GPC6: variants seen among roughly 807,000 people sequenced by gnomAD.
GPC6 encodes the protein glypican 6, also known as glypican-6.
A neutral mutation model predicts 55.2 loss-of-function variants in GPC6; 14 were observed. That is an observed-to-expected ratio of 0.25 (90% confidence interval 0.17 to 0.40). The LOEUF is 0.40. GPC6 is among the 10% of genes least tolerant of loss of function. GPC6 has a pLI of 1.00. For synonymous variants in GPC6, 278 were observed against 259.6 expected (o/e 1.07, Z -0.68); for missense variants, 641 against 708.5 (o/e 0.90, Z 1.08).
At chr13:94,139,979 G>A (rs753405702) in intron 4 of GPC6, among the ~76,000 whole-genome samples, 2 of 151,624 alleles carry the variant, frequency 1.3e-5, no homozygotes, top group Non-Finnish European at 2.9e-5. Context: ...TCAGGAGAAT[G>A]TAAAAGAGAA....
chr13:93,227,384 C>T lies in GPC6; in HGVS notation c.-73C>T. The T allele has an allele frequency of 6.6e-7, 1 of 1,512,374 alleles. No individual in the cohort carries two copies. 93.7% of individuals were successfully genotyped at this position (1,512,374 alleles called of 1,614,324 possible). On this transcript the variant is annotated 5_prime_UTR_variant, in exon 1 of 9. Coordinates refer to ENST00000377047, the MANE Select transcript of GPC6 (RefSeq NM_005708.5). The surrounding 1 kb of genome is among the most constrained non-coding windows in gnomAD (Gnocchi z 4.3). ...GGAGCGCGCCGCTGCCTCTGGCGGG[C>T]TTTCGGCTTGAGGGGCAAGGTGAAG...
intron 6 of GPC6, among the ~76,000 whole-genome samples, chr13:94,345,180 G>T: frequency 6.6e-6 from 1 of 152,136 alleles, no homozygotes; most frequent in East Asian, 1.9e-4. Context: ...GCACTTAGTC[G>T]AATTATTTCA....
rs1306614320 is a variant in GPC6 at position 94,207,286 on chromosome 13, A to C, written c.878-79063A>C. ...ATGCATTACTATACCGCACTAAGAC[A>C]AATCCTGGGTACATTTAAAAACAAT... On this transcript the variant is annotated intron_variant, in intron 4 of 8. Coordinates refer to ENST00000377047, the MANE Select transcript of GPC6 (RefSeq NM_005708.5). 2.6e-5 allele frequency among the ~76,000 whole-genome samples: 4 copies of C among 152,360 alleles called. No individual in the cohort carries two copies. The East Asian group carries it at 7.7e-4, about 29-fold the overall frequency.
At chr13:94,246,152 TA>T (rs923532746) in intron 4 of GPC6, among the ~76,000 whole-genome samples, 1 of 152,146 alleles carries the variant, frequency 6.6e-6, no homozygotes, top group African/African-American at 2.4e-5. Context: ...TGGCCATTTT[TA>T]TGTCAAATCT....
At chr13:93,507,361 C>A (rs1026736192) in intron 1 of GPC6, among the ~76,000 whole-genome samples, 1 of 152,156 alleles carries the variant, frequency 6.6e-6, no homozygotes, top group Non-Finnish European at 1.5e-5. Flanking sequence ...TCCTGTTCCA[C>A]AGCAGAGCTT....
chr13:93,760,327 G>A (rs1450060872), intron 2 of GPC6, among the ~76,000 whole-genome samples: 1 of 152,146 alleles, frequency 6.6e-6, no homozygotes, highest in Non-Finnish European at 1.5e-5. Context: ...GGCATCTTAG[G>A]GATTTTAAGA....
At chr13:93,283,743 T>G (rs770967988) in intron 1 of GPC6, among the ~76,000 whole-genome samples, 66 of 152,220 alleles carry the variant, frequency 4.3e-4, no homozygotes, top group Non-Finnish European at 7.2e-4. Flanking sequence ...TTAAAACATT[T>G]AACTTGAGAC....
chr13:94,112,145 C>G (rs1457539366), intron 4 of GPC6, among the ~76,000 whole-genome samples: 7 of 151,932 alleles, frequency 4.6e-5, no homozygotes, highest in Non-Finnish European at 1.0e-4. Flanking sequence ...ACTAAAATGT[C>G]GATTACAGAC....
rs143608470 is a variant in GPC6, at chr13:93,459,540, T to C, written c.161-85723T>C. On this transcript the variant is annotated intron_variant, in intron 1 of 8. Coordinates refer to ENST00000377047, the MANE Select transcript of GPC6 (RefSeq NM_005708.5). ...AACGGACTTTAACAGTAGACCTGTATTTGCAGTACAACCCAAGGATCTCCA... is the reference window on the plus strand; with the variant it reads ...AACGGACTTTAACAGTAGACCTGTACTTGCAGTACAACCCAAGGATCTCCA... Among the ~76,000 whole-genome samples, 46 of 152,340 alleles carry C rather than the reference T, an allele frequency of 3.0e-4. No individual in the cohort carries two copies. The East Asian group carries it at 7.3e-3, about 24-fold the overall frequency.
chr13:93,484,585 TTTATA>T (rs1250415657), intron 1 of GPC6, among the ~76,000 whole-genome samples: 1 of 152,166 alleles, frequency 6.6e-6, no homozygotes, highest in Non-Finnish European at 1.5e-5. Context: ...TTTTGCAGGT[TTTATA>T]TTACTAGTTA....
chr13:94,279,496 GT>G (rs1173200250), intron 4 of GPC6, among the ~76,000 whole-genome samples: 1 of 151,946 alleles, frequency 6.6e-6, no homozygotes, highest in Non-Finnish European at 1.5e-5. Flanking sequence ...TTTTGGATTA[GT>G]TTGCTCTTGC....
At chr13:94,086,859 C>T (rs1461824328) in intron 4 of GPC6, among the ~76,000 whole-genome samples, 4 of 152,104 alleles carry the variant, frequency 2.6e-5, no homozygotes, top group Non-Finnish European at 4.4e-5. Flanking sequence ...CAGTTTTTCT[C>T]GTGAACAATT....
chr13:93,440,358 T>G (rs904209073), intron 1 of GPC6, among the ~76,000 whole-genome samples: 11 of 152,236 alleles, frequency 7.2e-5, no homozygotes, highest in African/African-American at 2.4e-4. Context: ...GAGAAGCAGA[T>G]GGCAGTGATG....
intron 1 of GPC6, among the ~76,000 whole-genome samples, chr13:93,372,829 G>A (rs1345052966): frequency 6.6e-6 from 1 of 152,176 alleles, no homozygotes; most frequent in African/African-American, 2.4e-5. Context: ...GTATCTGAGA[G>A]GTAGCTGATA....
At chr13:93,765,002 C>T (rs1379230231) in intron 2 of GPC6, among the ~76,000 whole-genome samples, 2 of 152,056 alleles carry the variant, frequency 1.3e-5, no homozygotes, top group African/African-American at 2.4e-5. Context: ...GGTTTCACCA[C>T]GTTAACCAGG....
chr13:93,632,488 AGT>A (rs1879490544), intron 2 of GPC6, among the ~76,000 whole-genome samples: 1 of 151,658 alleles, frequency 6.6e-6, no homozygotes, highest in Non-Finnish European at 1.5e-5. Flanking sequence ...GTGTACCTGT[AGT>A]CCCAACTCCT....
chr13:93,554,988 T>C (rs974938744), intron 2 of GPC6, among the ~76,000 whole-genome samples: 1 of 152,164 alleles, frequency 6.6e-6, no homozygotes, highest in African/African-American at 2.4e-5. Context: ...TTCCTAGCAG[T>C]CCAGTAGAAT....
intron 1 of GPC6, among the ~76,000 whole-genome samples, chr13:93,351,666 A>G (rs1216202330): frequency 6.6e-6 from 1 of 152,204 alleles, no homozygotes; most frequent in East Asian, 1.9e-4. Context: ...TGATGACTAT[A>G]TATTATATGT....
At chr13:94,384,349 T>G (rs1241124788) in intron 7 of GPC6, among the ~76,000 whole-genome samples, 1 of 152,220 alleles carries the variant, frequency 6.6e-6, no homozygotes, top group African/African-American at 2.4e-5. Context: ...TCCCGATGAC[T>G]GTACAGAAAG....
Sources: gnomAD v4.1 joint callset for allele counts (sites outside exome capture counted in the v4.1 genomes callset) on GRCh38, gnomAD v4.1.1 for gene constraint, Gnocchi (gnomAD v3.1) non-coding constraint, MANE v1.5 for transcripts, NCBI Gene and HGNC (gene_info 2026-07-23, HGNC 2026-07-21) for gene names.